Variants in MACROD2 observed in about 807,000 individuals in gnomAD.
MACROD2 encodes the protein ADP-ribose glycohydrolase MACROD2.
MACROD2 carries 36 observed loss-of-function variants against 70.4 expected under a neutral mutation model. The ratio of observed to expected loss-of-function variants is 0.51; its 90% confidence interval spans 0.39 to 0.68. MACROD2 has a LOEUF of 0.68. Among genes scored for constraint, MACROD2 ranks in the 30% least tolerant of loss-of-function variants. The pLI is 0.00. For missense variants in MACROD2, 496 were observed against 538.4 expected, an observed-to-expected ratio of 0.92 and a Z score of 0.78; for synonymous variants, 172 against 178.8, an observed-to-expected ratio of 0.96 and a Z score of 0.30.
chr20:15,266,957 AT>A (rs2077300864), intron 6 of MACROD2, among the ~76,000 whole-genome samples: 1 of 152,218 alleles, frequency 6.6e-6, no homozygotes, highest in Non-Finnish European at 1.5e-5. Context: ...ATTTAGAGGA[AT>A]TGTTCTTGTG....
At chr20:15,646,122 T>C (rs894397997) in intron 8 of MACROD2, among the ~76,000 whole-genome samples, 11 of 152,200 alleles carry the variant, frequency 7.2e-5, no homozygotes, top group East Asian at 1.9e-4. Context: ...TCTGAGCTGA[T>C]AGGATCCTAT....
chr20:15,577,226 G>A (rs1432401488), intron 8 of MACROD2, among the ~76,000 whole-genome samples: 2 of 151,216 alleles, frequency 1.3e-5, no homozygotes, highest in Non-Finnish European at 2.9e-5. Context: ...AATTTCAAAT[G>A]TATACCAAAG....
intron 4 of MACROD2, among the ~76,000 whole-genome samples, chr20:14,551,520 A>G (rs749767365): frequency 1.7e-4 from 26 of 152,236 alleles, no homozygotes; most frequent in Non-Finnish European, 3.2e-4. Context: ...TATATTGACA[A>G]TATATTTTTG....
At chr20:14,783,308 C>CT (rs1355691591) in intron 5 of MACROD2, among the ~76,000 whole-genome samples, 1 of 152,110 alleles carries the variant, frequency 6.6e-6, no homozygotes, top group Non-Finnish European at 1.5e-5. Flanking sequence ...CTGCCTTTCT[C>CT]TTAAGATTAT....
intron 6 of MACROD2, among the ~76,000 whole-genome samples, chr20:15,389,094 T>G (rs1416312516): frequency 6.6e-6 from 1 of 152,076 alleles, no homozygotes. Context: ...TAGCCAGATT[T>G]GGGTGAGTTA....
At chr20:14,799,661 A>G (rs2072550927) in intron 5 of MACROD2, among the ~76,000 whole-genome samples, 1 of 152,038 alleles carries the variant, frequency 6.6e-6, no homozygotes. Flanking sequence ...AGGAGATAGT[A>G]TGCTCTGCTT....
intron 8 of MACROD2, among the ~76,000 whole-genome samples, chr20:15,541,522 A>C (rs1167734956): frequency 6.6e-6 from 1 of 152,168 alleles, no homozygotes. Flanking sequence ...TTCTTTAGAA[A>C]ATGTTGATTC....
chr20:14,151,558 C>T (rs1157635007), intron 3 of MACROD2, among the ~76,000 whole-genome samples: 1 of 151,986 alleles, frequency 6.6e-6, no homozygotes, highest in Non-Finnish European at 1.5e-5. Flanking sequence ...TGATCTCAGC[C>T]GCTTACTGTA....
chr20:14,130,940 T>G (rs968504631), intron 3 of MACROD2, among the ~76,000 whole-genome samples: 5 of 150,888 alleles, frequency 3.3e-5, no homozygotes, highest in East Asian at 1.9e-4. Flanking sequence ...GTTTTTTTTT[T>G]TTTTTCTTGA....
chr20:15,957,548 A>G (rs575789249), intron 12 of MACROD2, among the ~76,000 whole-genome samples: 3 of 152,226 alleles, frequency 2.0e-5, no homozygotes, highest in East Asian at 1.9e-4. Context: ...TCCCTGCTCA[A>G]TGCCATCCTC....
At chr20:15,145,270 G>T (rs990396245) in intron 5 of MACROD2, among the ~76,000 whole-genome samples, 9 of 152,096 alleles carry the variant, frequency 5.9e-5, no homozygotes, top group Admixed American at 2.0e-4. Context: ...AGCCATAGAT[G>T]TAAGTCTTTG....
At chr20:15,353,534 A>T (rs28785866) in intron 6 of MACROD2, among the ~76,000 whole-genome samples, 26,849 of 151,896 alleles carry the variant, frequency 0.18, 2,808 homozygotes, top group East Asian at 0.47. Flanking sequence ...GCTTCTGCAC[A>T]GCAAAAGAAA....
At chr20:15,640,487 T>C (rs560324459) in intron 8 of MACROD2, among the ~76,000 whole-genome samples, 10 of 151,660 alleles carry the variant, frequency 6.6e-5, no homozygotes, top group Non-Finnish European at 1.5e-4. Flanking sequence ...CCTGTGCACA[T>C]GTCCCACTGC....
chr20:15,387,750 T>C (rs376656097), intron 6 of MACROD2, among the ~76,000 whole-genome samples: 23,714 of 150,568 alleles, frequency 0.16, 2,228 homozygotes, highest in African/African-American at 0.25. Flanking sequence ...TTTTTTTTTT[T>C]TTTTTTTGAG....
At chr20:14,536,035 T>TA (rs1201876686) in intron 4 of MACROD2, among the ~76,000 whole-genome samples, 1 of 151,976 alleles carries the variant, frequency 6.6e-6, no homozygotes, top group Non-Finnish European at 1.5e-5. Flanking sequence ...GACAAAAAAA[T>TA]AAAAAATAAA....
intron 4 of MACROD2, among the ~76,000 whole-genome samples, chr20:14,576,251 C>A (rs1980592850): frequency 6.6e-6 from 1 of 152,106 alleles, no homozygotes. Context: ...AAGACTCAGG[C>A]CCAGGTTTTG....
At chr20:14,627,556 T>A (rs2123466363) in intron 4 of MACROD2, among the ~76,000 whole-genome samples, 1 of 152,284 alleles carries the variant, frequency 6.6e-6, no homozygotes, top group South Asian at 2.1e-4. Context: ...TCAATAAACT[T>A]CCTGCATAAC....
chr20:15,835,368 A>T (rs529209537), intron 8 of MACROD2, among the ~76,000 whole-genome samples: 5 of 152,258 alleles, frequency 3.3e-5, no homozygotes, highest in Admixed American at 3.3e-4. Flanking sequence ...GTCAAAAAAA[A>T]TGGGTTTGCC....
chr20:14,753,995 A>C (rs1264752443), intron 5 of MACROD2, among the ~76,000 whole-genome samples: 1 of 152,140 alleles, frequency 6.6e-6, no homozygotes, highest in African/African-American at 2.4e-5. Flanking sequence ...ATGCTGATAT[A>C]AAATAATAAC....
Sources: gnomAD v4.1 joint callset for allele counts (sites outside exome capture counted in the v4.1 genomes callset) on GRCh38, gnomAD v4.1.1 for gene constraint, MANE v1.5 for transcripts, NCBI Gene and HGNC (gene_info 2026-07-23, HGNC 2026-07-21) for gene names.